The following CFAP221 variants were observed in gnomAD, a reference collection of about 807,000 sequenced individuals.
The protein encoded by CFAP221 is cilia- and flagella-associated protein 221.
A neutral mutation model predicts 113.1 loss-of-function variants in CFAP221; 97 were observed. The observed-to-expected ratio is 0.86, with a 90% CI of 0.73 to 1.02. The LOEUF (loss-of-function observed/expected upper bound fraction) is 1.02, where lower values mean the gene tolerates loss of function less well. Among genes scored for constraint, CFAP221 ranks in the 50% least tolerant of loss-of-function variants. CFAP221 has a pLI of 0.00. For synonymous variants in CFAP221, 331 were observed against 354.4 expected (o/e 0.93, Z 0.74); for missense variants, 1,025 against 1,013.4 (o/e 1.01, Z -0.16).
chr2:119,601,329 C>T lies in CFAP221; in HGVS notation c.743C>T (p.Pro248Leu), dbSNP rs1212140818. ...QLWISQFNSQ[P>L]YECVFTGTCY... The stretch of plus-strand genomic sequence containing the variant: ...TGGATTTCGCAGTTCAACTCTCAAC[C>T]ATACGAATGTGTCTTCACCGGAACA... The change falls in exon 8 of 24, where the codon CCA (proline) becomes CTA (leucine). Residue 248 changes from proline (P) to leucine (L), a missense_variant. Physicochemically the swap from Pro to Leu is moderately conservative, Grantham distance 98. Coordinates refer to ENST00000413369, the MANE Select transcript of CFAP221 (RefSeq NM_001271049.2). 3 of 1,534,958 alleles carry T rather than the reference C, an allele frequency of 2.0e-6. No homozygotes were observed. Among genetic ancestry groups the T allele is most frequent in the Non-Finnish European group, 2.6e-6 (3 of 1,146,226 alleles).
intron 7 of CFAP221, among the ~76,000 whole-genome samples, chr2:119,600,209 A>G (rs904977692): frequency 6.6e-6 from 1 of 152,184 alleles, no homozygotes; most frequent in Non-Finnish European, 1.5e-5. Flanking sequence ...TTTTCTCTCC[A>G]CATTTGTTAG....
chr2:119,623,483 C>T (rs1367649113), intron 14 of CFAP221, among the ~76,000 whole-genome samples: 3 of 152,164 alleles, frequency 2.0e-5, no homozygotes, highest in South Asian at 4.1e-4. Context: ...ATCAAGCTGC[C>T]ATTGACTTTC....
chr2:119,594,751 A>G lies in CFAP221; in HGVS notation c.632-6467A>G, dbSNP rs1018251949. Among the ~76,000 whole-genome samples the G allele has an allele frequency of 5.9e-5, 9 of 152,186 alleles. 1 individual carries two copies. The highest frequency in any genetic ancestry group is 3.9e-4 in the Admixed American group (6 of 15,276). On this transcript the variant is annotated intron_variant, in intron 7 of 23. Transcript: ENST00000413369. ...AGCTAATGCTTACATCGTGCTTACC[A>G]TGTGCCAGACACTACACTGGATGCA... is the stretch of plus-strand genomic sequence containing the variant.
chr2:119,636,800 C>T (rs1368925593), intron 19 of CFAP221, among the ~76,000 whole-genome samples: 1 of 152,156 alleles, frequency 6.6e-6, no homozygotes, highest in Non-Finnish European at 1.5e-5. Context: ...AAATTAAAAG[C>T]ATCATGGGGT....
intron 8 of CFAP221, among the ~76,000 whole-genome samples, chr2:119,602,034 G>A (rs562696208): frequency 6.6e-6 from 1 of 152,096 alleles, no homozygotes; most frequent in Admixed American, 6.6e-5. Flanking sequence ...TTACATGTCA[G>A]TACCTCTGGT....
intron 14 of CFAP221, among the ~76,000 whole-genome samples, chr2:119,616,138 A>G (rs897867954): frequency 6.6e-6 from 1 of 152,254 alleles, no homozygotes; most frequent in Non-Finnish European, 1.5e-5. Flanking sequence ...TAATGTTTCA[A>G]TGCATGTATA....
intron 14 of CFAP221, among the ~76,000 whole-genome samples, chr2:119,622,934 A>G (rs1391039852): frequency 6.6e-6 from 1 of 152,218 alleles, no homozygotes; most frequent in African/African-American, 2.4e-5. Context: ...CAAAAGCTGG[A>G]AGCATTCTCT....
At chr2:119,619,925 C>T (rs184699428) in intron 14 of CFAP221, among the ~76,000 whole-genome samples, 1 of 151,968 alleles carries the variant, frequency 6.6e-6, no homozygotes, top group South Asian at 2.1e-4. Flanking sequence ...AAACACAGCA[C>T]GAGAACTTCA....
chr2:119,563,167 AT>A (rs1681376849), intron 6 of CFAP221, among the ~76,000 whole-genome samples: 1 of 152,194 alleles, frequency 6.6e-6, no homozygotes. Flanking sequence ...AATATAAAAA[AT>A]AAAATGGCAT....
intron 19 of CFAP221, among the ~76,000 whole-genome samples, chr2:119,631,578 G>A (rs549547539): frequency 6.6e-6 from 1 of 152,322 alleles, no homozygotes; most frequent in Non-Finnish European, 1.5e-5. Context: ...AGGAGGCTGA[G>A]GCAGGAGAAT....
At chr2:119,544,758 G>C (rs908492067) in intron 1 of CFAP221, among the ~76,000 whole-genome samples, 2 of 152,116 alleles carry the variant, frequency 1.3e-5, no homozygotes, top group African/African-American at 4.8e-5. Flanking sequence ...GCGCTTGGCC[G>C]GGGCGAGAGG....
chr2:119,625,793 C>A, intron 15 of CFAP221, 105 bp downstream of exon 15: 1 of 895,764 alleles, frequency 1.1e-6, no homozygotes, highest in Non-Finnish European at 1.7e-6. Flanking sequence ...AAATTTTCAC[C>A]AGTCACAAAT....
intron 12 of CFAP221, among the ~76,000 whole-genome samples, chr2:119,608,892 G>T (rs1433347406): frequency 6.6e-6 from 1 of 152,190 alleles, no homozygotes; most frequent in African/African-American, 2.4e-5. Flanking sequence ...CACATGGAGG[G>T]AATGGCTCAA....
intron 5 of CFAP221, among the ~76,000 whole-genome samples, chr2:119,561,595 G>GGAA (rs1191116955): frequency 2.0e-5 from 3 of 150,392 alleles, no homozygotes; most frequent in Non-Finnish European, 2.9e-5. Flanking sequence ...CGTCATATGA[G>GGAA]ACAAGAAGCA....
chr2:119,647,091 T>A, intron 22 of CFAP221, 41 bp downstream of exon 22: 1 of 1,530,660 alleles, frequency 6.5e-7, no homozygotes, highest in Non-Finnish European at 8.9e-7. Flanking sequence ...TAATGTGGTC[T>A]GTTTTCCAAA....
At chr2:119,597,433 A>G (rs1187744364) in intron 7 of CFAP221, among the ~76,000 whole-genome samples, 1 of 152,172 alleles carries the variant, frequency 6.6e-6, no homozygotes, top group Non-Finnish European at 1.5e-5. Flanking sequence ...TAGAATGTGG[A>G]TGATTTTAAA....
intron 19 of CFAP221, among the ~76,000 whole-genome samples, chr2:119,634,916 A>G (rs1687020234): frequency 6.6e-6 from 1 of 152,246 alleles, no homozygotes; most frequent in African/African-American, 2.4e-5. Context: ...ACTTATAGCC[A>G]ATAATGCACA....
chr2:119,639,207 T>TC (rs1687322522), intron 20 of CFAP221, among the ~76,000 whole-genome samples: 2 of 152,234 alleles, frequency 1.3e-5, no homozygotes, highest in South Asian at 4.1e-4. Context: ...CACGAGTTGA[T>TC]CCTGTCATTT....
chr2:119,636,602 A>G (rs369717149), intron 19 of CFAP221, among the ~76,000 whole-genome samples: 3 of 152,340 alleles, frequency 2.0e-5, no homozygotes, highest in East Asian at 3.9e-4. Flanking sequence ...AAGTGGAAGA[A>G]TAAGCATGAT....
Sources: allele counts gnomAD v4.1 joint callset (sites outside exome capture counted in the v4.1 genomes callset), GRCh38; gene constraint gnomAD v4.1.1; transcripts MANE v1.5; gene names NCBI Gene and HGNC (gene_info 2026-07-23, HGNC 2026-07-21).